The following OTUD7A variants were observed in gnomAD, a reference collection of about 807,000 sequenced individuals.
The protein encoded by OTUD7A is OTU deubiquitinase 7A, also known as OTU domain-containing protein 7A.
OTUD7A carries 12 observed loss-of-function variants against 65.7 expected under a neutral mutation model. The observed-to-expected ratio is 0.18, with a 90% CI of 0.12 to 0.30. The LOEUF is 0.30. Among genes scored for constraint, OTUD7A ranks in the 10% least tolerant of loss-of-function variants. The pLI is 1.00. For missense variants in OTUD7A, 1,148 were observed against 1,304.8 expected (o/e 0.88, Z 1.85); for synonymous variants, 641 against 586.3 (o/e 1.09, Z -1.35).
chr15:31,780,413 A>G (rs2140925084), intron 1 of OTUD7A, among the ~76,000 whole-genome samples: 1 of 152,352 alleles, frequency 6.6e-6, no homozygotes, highest in African/African-American at 2.4e-5. Context: ...AAAAAGTATA[A>G]AAAACCTAAA....
chr15:31,509,045 C>A (rs2041631227), intron 8 of OTUD7A, among the ~76,000 whole-genome samples: 1 of 152,148 alleles, frequency 6.6e-6, no homozygotes, highest in South Asian at 2.1e-4. Context: ...TAATGTTAAA[C>A]TTTATTTTAA....
In OTUD7A at chr15:31,505,913, C is replaced by A. The variant is rs181439123; in HGVS notation, c.894-2095G>T. On this transcript the variant is annotated intron_variant, in intron 8 of 12. Coordinates refer to ENST00000307050, the MANE Select transcript of OTUD7A (RefSeq NM_001382637.1). Reference sequence around the variant, plus strand: ...TACAGGCGCCCGCCACCACGCCCGGCTAATTTTTTGTATTTTTAGTAGAGA... The same window carrying A: ...TACAGGCGCCCGCCACCACGCCCGGATAATTTTTTGTATTTTTAGTAGAGA... 6.5e-3 allele frequency among the ~76,000 whole-genome samples: 991 copies of A among 151,956 alleles called. 7 individuals carry two copies. Among genetic ancestry groups the A allele is most frequent in the African/African-American group, 0.023 (955 of 41,436 alleles).
At chr15:31,699,532 G>A (rs1893165631) in intron 1 of OTUD7A, among the ~76,000 whole-genome samples, 1 of 152,168 alleles carries the variant, frequency 6.6e-6, no homozygotes, top group Non-Finnish European at 1.5e-5. Flanking sequence ...GCAATAATAT[G>A]CTTATGTGAC....
chr15:31,656,269 C>T (rs1420356670), intron 2 of OTUD7A, among the ~76,000 whole-genome samples: 1 of 152,222 alleles, frequency 6.6e-6, no homozygotes, highest in East Asian at 1.9e-4. Flanking sequence ...GCTGGGGCCC[C>T]AGTGGGTGCT....
At chr15:31,626,951 TA>T (rs35751275) in intron 3 of OTUD7A, among the ~76,000 whole-genome samples, 7,800 of 147,234 alleles carry the variant, frequency 0.053, 404 homozygotes, top group African/African-American at 0.14. Context: ...ACTTTATTGT[TA>T]AAAAAAAAAG....
intron 1 of OTUD7A, among the ~76,000 whole-genome samples, chr15:31,833,797 T>C (rs1035325732): frequency 2.0e-5 from 3 of 152,224 alleles, no homozygotes; most frequent in Admixed American, 1.3e-4. Context: ...TTTTAAACTT[T>C]CTTGTAAGTG....
intron 1 of OTUD7A, among the ~76,000 whole-genome samples, chr15:31,714,766 A>G (rs988836035): frequency 2.0e-5 from 3 of 152,290 alleles, no homozygotes; most frequent in Admixed American, 2.0e-4. Flanking sequence ...TAGTTTAAGT[A>G]TTTTTACTAA....
At chr15:31,599,035 C>A (rs1225619173) in intron 3 of OTUD7A, among the ~76,000 whole-genome samples, 1 of 152,210 alleles carries the variant, frequency 6.6e-6, no homozygotes, top group African/African-American at 2.4e-5. Context: ...ACTCCCATCT[C>A]CCTGGGACAG....
intron 8 of OTUD7A, among the ~76,000 whole-genome samples, chr15:31,508,300 A>G (rs927783859): frequency 3.3e-5 from 5 of 152,150 alleles, no homozygotes; most frequent in African/African-American, 1.2e-4. Context: ...ACAGCATAAA[A>G]TAGGGTCCTT....
chr15:31,781,551 T>C (rs1895540191), intron 1 of OTUD7A, among the ~76,000 whole-genome samples: 1 of 152,214 alleles, frequency 6.6e-6, no homozygotes, highest in South Asian at 2.1e-4. Context: ...ACTGCACCAA[T>C]GTATACATCT....
intron 1 of OTUD7A, among the ~76,000 whole-genome samples, chr15:31,857,898 G>A (rs1223269614): frequency 6.6e-6 from 1 of 152,046 alleles, no homozygotes; most frequent in Admixed American, 6.5e-5. Context: ...TTCCTTCTTG[G>A]GCAACTTTTC....
At chr15:31,592,904 A>AATATATAT (rs1226266359) in intron 3 of OTUD7A, among the ~76,000 whole-genome samples, 26 of 59,386 alleles carry the variant, frequency 4.4e-4, no homozygotes, top group African/African-American at 9.6e-4. Context: ...AAAAAAAAAA[A>AATATATAT]ATATATATAT....
intron 4 of OTUD7A, 49 bp downstream of exon 4, chr15:31,569,969 G>A (rs1452369834): frequency 6.3e-6 from 10 of 1,597,272 alleles, no homozygotes; most frequent in South Asian, 3.3e-5. Context: ...TGCAAGCTGC[G>A]GTGCACTGGC....
intron 1 of OTUD7A, among the ~76,000 whole-genome samples, chr15:31,760,443 A>C (rs1894930396): frequency 6.6e-6 from 1 of 152,312 alleles, no homozygotes; most frequent in South Asian, 2.1e-4. Context: ...CTGTCACCAA[A>C]TGCTCACTTC....
At chr15:31,530,652 T>C in intron 6 of OTUD7A, 55 bp downstream of exon 6, 1 of 1,504,082 alleles carries the variant, frequency 6.6e-7, no homozygotes, top group African/African-American at 1.4e-5. Context: ...AGCATATGTC[T>C]TTCCTTACGC....
chr15:31,841,081 A>G (rs746123316), intron 1 of OTUD7A, among the ~76,000 whole-genome samples: 1 of 152,196 alleles, frequency 6.6e-6, no homozygotes, highest in East Asian at 1.9e-4. Flanking sequence ...AATCATCACT[A>G]TAAAATAAAG....
intron 1 of OTUD7A, among the ~76,000 whole-genome samples, chr15:31,710,346 T>C (rs1281169606): frequency 2.0e-5 from 3 of 149,988 alleles, no homozygotes; most frequent in African/African-American, 7.4e-5. Flanking sequence ...TTCAGTTGAA[T>C]GAACATGAAC....
At chr15:31,562,459 T>C (rs1300319778) in intron 4 of OTUD7A, among the ~76,000 whole-genome samples, 1 of 152,172 alleles carries the variant, frequency 6.6e-6, no homozygotes, top group South Asian at 2.1e-4. Context: ...CTGCTCCCCC[T>C]GCCCTGCCTT....
intron 3 of OTUD7A, among the ~76,000 whole-genome samples, chr15:31,582,189 A>C (rs917535551): frequency 3.3e-5 from 5 of 152,228 alleles, no homozygotes; most frequent in Non-Finnish European, 7.3e-5. Context: ...TCCAGTTAGC[A>C]ACAAGTTCTT....
Sources: gnomAD v4.1 joint callset for allele counts (sites outside exome capture counted in the v4.1 genomes callset) on GRCh38, gnomAD v4.1.1 for gene constraint, MANE v1.5 for transcripts, NCBI Gene and HGNC (gene_info 2026-07-23, HGNC 2026-07-21) for gene names.